Variants in TULP4 observed in about 807,000 individuals in gnomAD.
The protein encoded by TULP4 is tubby-related protein 4.
A neutral mutation model predicts 129.0 loss-of-function variants in TULP4; 16 were observed. The observed-to-expected ratio is 0.12, with a 90% CI of 0.08 to 0.19. TULP4 has a LOEUF of 0.19. Ranked by LOEUF, TULP4 falls within the 10% of genes least tolerant of loss-of-function variation. TULP4 has a pLI of 1.00. For synonymous variants in TULP4, 998 were observed against 854.0 expected (o/e 1.17, Z -2.94); for missense variants, 1,842 against 2,059.1 (o/e 0.89, Z 2.04).
chr6:158,312,199 G>A (rs1779371223), upstream of TULP4: 1 of 398,282 alleles, frequency 2.5e-6, no homozygotes. Context: ...CACACGGGAA[G>A]ACAGGCTCAT....
Position 158,503,239 on chromosome 6 carries a change from A to G in TULP4, c.3576A>G (p.Pro1192=), listed in dbSNP as rs1204466277. 2 of 1,614,026 alleles carry G rather than the reference A, an allele frequency of 1.2e-6. No homozygotes were observed. The highest frequency in any genetic ancestry group is 1.1e-5 in the South Asian group (1 of 91,078). ...QTGYGMGVPY[P]GSYNNPPLPG... ...GCTATGGGATGGGAGTGCCATATCC[A>G]GGAAGCTATAACAACCCCCCTTTGC... The change falls in exon 13 of 14, where the codon CCA becomes CCG. Residue 1192 remains proline, a synonymous_variant. Coordinates refer to ENST00000367097, the MANE Select transcript of TULP4 (RefSeq NM_020245.5). The surrounding 1 kb of genome is among the most constrained non-coding windows in gnomAD (Gnocchi z 4.3).
At chr6:158,405,516 C>T (rs547520251) in intron 1 of TULP4, among the ~76,000 whole-genome samples, 2 of 152,226 alleles carry the variant, frequency 1.3e-5, no homozygotes, top group African/African-American at 2.4e-5. Flanking sequence ...ACAGCTGTGA[C>T]GGTTTAGCAT....
chr6:158,448,637 C>T (rs911289272), intron 3 of TULP4, among the ~76,000 whole-genome samples: 3 of 152,148 alleles, frequency 2.0e-5, no homozygotes, highest in Non-Finnish European at 2.9e-5. Flanking sequence ...GCTGCTTCTT[C>T]GTTTTCCAGA....
At chr6:158,242,916 G>C (rs1001692507) in intron 1 of TULP4, 1 of 183,530 alleles carries the variant, frequency 5.4e-6, no homozygotes, top group Non-Finnish European at 1.1e-5. Context: ...TTCCCAAGTA[G>C]CTGGGATTAC....
intron 1 of TULP4, among the ~76,000 whole-genome samples, chr6:158,394,734 C>T (rs1443513154): frequency 7.7e-6 from 1 of 129,172 alleles, no homozygotes; most frequent in Non-Finnish European, 1.5e-5. Flanking sequence ...TTGCAGTGAA[C>T]CCAGATTGTG....
chr6:158,476,341 CCTGGT>C (rs1280629789), intron 6 of TULP4, among the ~76,000 whole-genome samples: 1 of 152,122 alleles, frequency 6.6e-6, no homozygotes, highest in African/African-American at 2.4e-5. Context: ...GAGGGGATTT[CCTGGT>C]AACGTTGCCC....
chr6:158,499,829 C>A (rs1780404387), intron 12 of TULP4, among the ~76,000 whole-genome samples: 1 of 152,046 alleles, frequency 6.6e-6, no homozygotes, highest in African/African-American at 2.4e-5. Context: ...TCTCTCAGCC[C>A]AGTCTTTTTA....
chr6:158,356,551 GA>G (rs1466858315), intron 1 of TULP4, among the ~76,000 whole-genome samples: 2 of 152,190 alleles, frequency 1.3e-5, no homozygotes. Context: ...ATTCTTTCAG[GA>G]ATTCTGGCTA....
chr6:158,354,692 A>G (rs531393446), intron 1 of TULP4, among the ~76,000 whole-genome samples: 22 of 152,192 alleles, frequency 1.4e-4, no homozygotes, highest in African/African-American at 4.1e-4. Flanking sequence ...CAGGGATTTG[A>G]GTCTAGTCTG....
chr6:158,253,664 T>G (rs1181481520), intron 1 of TULP4, among the ~76,000 whole-genome samples: 3 of 152,198 alleles, frequency 2.0e-5, no homozygotes, highest in African/African-American at 7.2e-5. Flanking sequence ...TCTCCCCTCT[T>G]TCTAACTAAA....
At chr6:158,318,048 C>G (rs924425124) in intron 1 of TULP4, among the ~76,000 whole-genome samples, 1 of 152,148 alleles carries the variant, frequency 6.6e-6, no homozygotes, top group African/African-American at 2.4e-5. Flanking sequence ...TTTGTAGATT[C>G]TGGATATTAG....
chr6:158,446,156 T>C (rs1398955883), intron 3 of TULP4, among the ~76,000 whole-genome samples: 1 of 152,228 alleles, frequency 6.6e-6, no homozygotes, highest in East Asian at 1.9e-4. Flanking sequence ...TAAAAGTGAT[T>C]AGGCATGAAA....
Position 158,504,121 on chromosome 6 carries a change from G to T in TULP4, c.4458G>T (p.Gly1486=). 6.2e-7 allele frequency: 1 copy of T among 1,608,638 alleles called. No individual in the cohort carries two copies. The highest frequency in any genetic ancestry group is 8.5e-7 in the Non-Finnish European group (1 of 1,177,984). ...CCCAGGTCTACCAGCTGGACTTCGG[G>T]GGGCGGGTGACCCAGGAGTCCGCCA... ...EATQVYQLDF[G]GRVTQESAKN... The change falls in exon 13 of 14, where the codon GGG becomes GGT. Residue 1486 remains glycine (G), a synonymous_variant. Transcript: ENST00000367097.
chr6:158,237,468 A>G, intron 1 of TULP4: 2 of 1,541,440 alleles, frequency 1.3e-6, no homozygotes, highest in Non-Finnish European at 1.8e-6. Context: ...CTGCACTGCC[A>G]GGTCTTGGGG....
intron 1 of TULP4, among the ~76,000 whole-genome samples, chr6:158,343,988 T>C (rs1233573078): frequency 2.0e-5 from 3 of 152,022 alleles, no homozygotes; most frequent in African/African-American, 7.3e-5. Context: ...GAAGTGAAAA[T>C]AGCCTTAACT....
chr6:158,314,275 T>C lies in TULP4; in HGVS notation c.252+7T>C. On this transcript the variant is annotated splice_region_variant and intron_variant, in intron 1 of 13. Coordinates refer to ENST00000367097, the MANE Select transcript of TULP4 (RefSeq NM_020245.5). ...CCGGGGCCACAATAGCGAGGTGAGC[T>C]GTGGTTTTGTTTCACTTTTTGGTCA... The C allele has an allele frequency of 6.2e-7, 1 of 1,610,650 alleles. No individual in the cohort carries two copies. The highest frequency in any genetic ancestry group is 8.5e-7 in the Non-Finnish European group (1 of 1,177,744).
intron 1 of TULP4, among the ~76,000 whole-genome samples, chr6:158,403,918 C>T (rs1368203384): frequency 6.6e-6 from 1 of 152,136 alleles, no homozygotes. Flanking sequence ...TGGTTGGTGC[C>T]ACTACCATGT....
At chr6:158,443,883 C>T (rs1025604024) in intron 3 of TULP4, among the ~76,000 whole-genome samples, 4 of 152,048 alleles carry the variant, frequency 2.6e-5, no homozygotes, top group Non-Finnish European at 5.9e-5. Flanking sequence ...GGCCTTGAAG[C>T]ACATCTGAAG....
chr6:158,471,539 CA>C (rs1779682620), intron 6 of TULP4, among the ~76,000 whole-genome samples: 2 of 152,154 alleles, frequency 1.3e-5, no homozygotes, highest in South Asian at 4.1e-4. Context: ...GTGATACAAA[CA>C]AAATGGGAAG....
Sources: allele counts gnomAD v4.1 joint callset (sites outside exome capture counted in the v4.1 genomes callset), GRCh38; gene constraint gnomAD v4.1.1; non-coding constraint Gnocchi (gnomAD v3.1); transcripts MANE v1.5; gene names NCBI Gene and HGNC (gene_info 2026-07-23, HGNC 2026-07-21).